The following TMEM266 variants were observed in gnomAD, a reference collection of about 807,000 sequenced individuals.
The protein encoded by TMEM266 is transmembrane protein 266.
Under a neutral mutation model 50.5 loss-of-function variants are expected in TMEM266, and 33 were observed. The observed-to-expected ratio is 0.65, with a 90% confidence interval of 0.50 to 0.87. TMEM266 has a LOEUF of 0.87. Among genes scored for constraint, TMEM266 ranks in the 40% least tolerant of loss-of-function variants. TMEM266 has a pLI of 0.00. For missense variants in TMEM266, 655 were observed against 695.1 expected, an observed-to-expected ratio of 0.94 and a Z score of 0.65; for synonymous variants, 310 against 292.3, an observed-to-expected ratio of 1.06 and a Z score of -0.62.
At position 76,153,637 on chromosome 15, in the gene TMEM266, G is replaced by A. The variant is rs921393279; in HGVS notation, c.228-2967G>A. Among the ~76,000 whole-genome samples, 2 of 152,138 alleles carry A rather than the reference G, an allele frequency of 1.3e-5. No homozygotes were observed. Among genetic ancestry groups the A allele is most frequent in the Non-Finnish European group, 2.9e-5 (2 of 68,030 alleles). On this transcript the variant is annotated intron_variant, in intron 3 of 10. Transcript: ENST00000388942. This position sits in a 1 kb window ranked among gnomAD's most constrained non-coding sequence, Gnocchi z 4.2. Reference sequence around the variant, plus strand: ...GCAGGCAGAGGGCAGGAGGGGAACCGGCTTCCGGGGGCGCTGAGGCGGCTG... The same window carrying A: ...GCAGGCAGAGGGCAGGAGGGGAACCAGCTTCCGGGGGCGCTGAGGCGGCTG...
intron 1 of TMEM266, among the ~76,000 whole-genome samples, chr15:76,128,532 G>C (rs1382307675): frequency 2.6e-5 from 4 of 152,196 alleles, no homozygotes. Flanking sequence ...CCAGGTTTAT[G>C]GAATAGCAGG....
In TMEM266 at chr15:76,161,253, C is replaced by A. The variant is rs2038014259; in HGVS notation, c.456+1085C>A. Among the ~76,000 whole-genome samples, 1 of 152,170 alleles carries A rather than the reference C, an allele frequency of 6.6e-6. No individual in the cohort carries two copies. The highest frequency in any genetic ancestry group is 2.4e-5 in the African/African-American group (1 of 41,440). On this transcript the variant is annotated intron_variant, in intron 5 of 10. Transcript: ENST00000388942. The surrounding 1 kb of genome is among the most constrained non-coding windows in gnomAD (Gnocchi z 4.1). ...AGGCAGGAACGAGGGAGGCACAGCA[C>A]CTGCTGGGAACATACGCACATCTCA...
At chr15:76,159,931 C>G (rs1273903346) in intron 4 of TMEM266, among the ~76,000 whole-genome samples, 164 bp from the exon 5 acceptor site, 2 of 152,166 alleles carry the variant, frequency 1.3e-5, no homozygotes, top group Non-Finnish European at 2.9e-5. Context: ...ACTGCAGACG[C>G]CAGCTGAAGC....
chr15:76,098,683 C>T (rs556288500), intron 1 of TMEM266, among the ~76,000 whole-genome samples: 4 of 152,124 alleles, frequency 2.6e-5, no homozygotes, highest in Admixed American at 6.5e-5. Flanking sequence ...CACCCACAGC[C>T]GCCCCTTTCC....
intron 1 of TMEM266, among the ~76,000 whole-genome samples, chr15:76,103,685 G>T (rs2142005253): frequency 6.6e-6 from 1 of 152,194 alleles, no homozygotes; most frequent in East Asian, 1.9e-4. Flanking sequence ...GCCGAGGTGG[G>T]TGGATCACCT....
chr15:76,118,631 G>T (rs2037289817), intron 1 of TMEM266, among the ~76,000 whole-genome samples: 1 of 152,212 alleles, frequency 6.6e-6, no homozygotes, highest in African/African-American at 2.4e-5. Context: ...CCAGCCCTGA[G>T]CTCTGCACTT....
intron 1 of TMEM266, among the ~76,000 whole-genome samples, chr15:76,114,538 C>G (rs2037218742): frequency 6.6e-6 from 1 of 152,110 alleles, no homozygotes. Context: ...ACAAAAAACT[C>G]AGATATCTTT....
chr15:76,203,616 A>C (rs558224250), intron 10 of TMEM266, 125 bp from the exon 11 acceptor site: 1 of 874,840 alleles, frequency 1.1e-6, no homozygotes, highest in African/African-American at 1.7e-5. Flanking sequence ...CTCCTTCCAC[A>C]AAGGCACGGT....
intron 10 of TMEM266, among the ~76,000 whole-genome samples, chr15:76,203,306 G>C (rs538854999): frequency 6.6e-6 from 1 of 152,242 alleles, no homozygotes; most frequent in East Asian, 1.9e-4. Flanking sequence ...CCTGCATCTC[G>C]ATGGTTTAAA....
At chr15:76,078,189 G>A (rs2036632021) in intron 1 of TMEM266, among the ~76,000 whole-genome samples, 2 of 152,028 alleles carry the variant, frequency 1.3e-5, no homozygotes, top group Admixed American at 1.3e-4. Flanking sequence ...TTGTGGTCCT[G>A]GAAGGGTCAC....
chr15:76,152,761 T>C (rs2037864267), intron 3 of TMEM266, among the ~76,000 whole-genome samples: 1 of 152,144 alleles, frequency 6.6e-6, no homozygotes, highest in Non-Finnish European at 1.5e-5. Context: ...CCCGTCCTAA[T>C]CCCTCCACCA....
chr15:76,203,723 T>A lies in TMEM266; in HGVS notation c.1022-18T>A. The A allele has an allele frequency of 1.2e-6, 2 of 1,601,294 alleles. No homozygotes were observed. Among genetic ancestry groups the A allele is most frequent in the Non-Finnish European group, 1.7e-6 (2 of 1,171,310 alleles). On this transcript the variant is annotated intron_variant, in intron 10 of 10. Transcript: ENST00000388942. Reference sequence around the variant, plus strand: ...GGCAGAGGTTGAAGTGTGACCAAGATCCCCTCCTACCTTGCAGACAGCGGT... The same window carrying A: ...GGCAGAGGTTGAAGTGTGACCAAGAACCCCTCCTACCTTGCAGACAGCGGT...
At chr15:76,081,007 C>T (rs1278077301) in intron 1 of TMEM266, among the ~76,000 whole-genome samples, 6 of 152,152 alleles carry the variant, frequency 3.9e-5, no homozygotes, top group African/African-American at 1.4e-4. Context: ...CACCTGGCCT[C>T]CCAGAGTGCT....
intron 8 of TMEM266, chr15:76,191,395 G>A (rs935632061): frequency 6.6e-6 from 1 of 152,286 alleles, no homozygotes; most frequent in Non-Finnish European, 1.5e-5. Context: ...GAGAGGTGAC[G>A]GGACTTGCTC....
At chr15:76,176,867 C>T (rs919515791) in intron 8 of TMEM266, among the ~76,000 whole-genome samples, 2 of 152,180 alleles carry the variant, frequency 1.3e-5, no homozygotes, top group Non-Finnish European at 2.9e-5. Context: ...TACAGGCCTG[C>T]TATGTGTCTG....
chr15:76,148,595 A>C (rs956683933), intron 3 of TMEM266, among the ~76,000 whole-genome samples: 2 of 152,130 alleles, frequency 1.3e-5, no homozygotes, highest in Non-Finnish European at 2.9e-5. Flanking sequence ...GCCCACCTAC[A>C]TGGCAGCCCT....
chr15:76,163,149 G>A (rs1247384621), intron 5 of TMEM266, among the ~76,000 whole-genome samples: 1 of 152,208 alleles, frequency 6.6e-6, no homozygotes, highest in Non-Finnish European at 1.5e-5. Flanking sequence ...AATGGCAGGT[G>A]GGCCCAAGTG....
At chr15:76,072,935 C>A in intron 1 of TMEM266, among the ~76,000 whole-genome samples, 1 of 149,776 alleles carries the variant, frequency 6.7e-6, no homozygotes, top group East Asian at 2.0e-4. Context: ...TGCATCCAGC[C>A]TTCTTTTTTT....
intron 1 of TMEM266, among the ~76,000 whole-genome samples, chr15:76,066,961 C>T (rs1454259365): frequency 6.6e-6 from 1 of 152,068 alleles, no homozygotes; most frequent in Non-Finnish European, 1.5e-5. Flanking sequence ...CACTAGATGC[C>T]ACCGGTACTA....
Sources: gnomAD v4.1 joint callset for allele counts (sites outside exome capture counted in the v4.1 genomes callset) on GRCh38, gnomAD v4.1.1 for gene constraint, Gnocchi (gnomAD v3.1) non-coding constraint, MANE v1.5 for transcripts, NCBI Gene and HGNC (gene_info 2026-07-23, HGNC 2026-07-21) for gene names.